The following ABITRAM variants were observed in gnomAD, a reference collection of about 807,000 sequenced individuals.
The protein encoded by ABITRAM is protein Abitram.
In ABITRAM, 19 loss-of-function variants were observed where a neutral mutation model predicts 22.9. The ratio of observed to expected loss-of-function variants is 0.83; its 90% CI spans 0.58 to 1.22. The LOEUF is 1.22. Among genes scored for constraint, ABITRAM ranks in the 50% most tolerant of loss-of-function variants. The probability of loss-of-function intolerance (pLI) is 0.00; values close to 1 mark genes in which losing one functional copy is unlikely to be tolerated. For missense variants in ABITRAM, 215 were observed against 220.2 expected (o/e 0.98, Z 0.15); for synonymous variants, 70 against 73.9 (o/e 0.95, Z 0.27).
At chr9:108,947,305 G>A (rs1830436453) in intron 3 of ABITRAM, among the ~76,000 whole-genome samples, 1 of 152,058 alleles carries the variant, frequency 6.6e-6, no homozygotes, top group Admixed American at 6.6e-5. Flanking sequence ...AGTGGAGACA[G>A]GGTTCCACCG....
chr9:108,939,697 G>A lies in ABITRAM; in HGVS notation c.*11G>A, dbSNP rs747719598. On this transcript the variant is annotated 3_prime_UTR_variant, in exon 6 of 6. Coordinates refer to ENST00000322940, the MANE Select transcript of ABITRAM (RefSeq NM_017832.4). ...ACAGCTACGTCATGAGGATTGACAT[G>A]GAACAAAAAGCAAAGTGGGATTCTT... is the stretch of plus-strand genomic sequence containing the variant. 16 of 1,610,248 alleles carry A rather than the reference G, an allele frequency of 9.9e-6. No individual in the cohort carries two copies. The highest frequency in any genetic ancestry group is 1.7e-5 in the Admixed American group (1 of 59,090).
chr9:108,938,699 G>C (rs1464798990), intron 3 of ABITRAM, among the ~76,000 whole-genome samples: 3 of 143,600 alleles, frequency 2.1e-5, no homozygotes, highest in Non-Finnish European at 4.6e-5. Context: ...AAGGGGGGGG[G>C]GGGAAAGAAC....
intron 3 of ABITRAM, among the ~76,000 whole-genome samples, chr9:108,948,619 CT>C (rs1181448312): frequency 2.6e-5 from 4 of 152,174 alleles, no homozygotes; most frequent in Non-Finnish European, 4.4e-5. Flanking sequence ...GGACATTTCA[CT>C]TCTAATTCTT....
At chr9:108,934,976 C>T (rs1173618248) in intron 1 of ABITRAM, among the ~76,000 whole-genome samples, 1 of 151,854 alleles carries the variant, frequency 6.6e-6, no homozygotes, top group Non-Finnish European at 1.5e-5. Context: ...GTAGGGATGG[C>T]GAGAAGAGGG....
chr9:108,934,541 T>TA lies in ABITRAM; in HGVS notation c.56dup (p.Tyr19Ter). The TA allele has an allele frequency of 6.2e-7, 1 of 1,606,682 alleles. No homozygotes were observed. The highest frequency in any genetic ancestry group is 8.5e-7 in the Non-Finnish European group (1 of 1,177,412). Residue 19 changes from tyrosine (Y) to a stop codon, truncating the protein, a stop_gained and frameshift_variant, in exon 1 of 6, where the codon TAC (tyrosine) becomes TAAC (stop). Transcript: ENST00000322940. LOFTEE classifies it high-confidence loss of function. ...EPVVPSLVDR[Y>*]FTRWYKPDVK... The stretch of plus-strand genomic sequence containing the variant: ...GGTGGTGCCTTCGCTCGTGGATCGA[T>TA]ACTTCACTCGCTGGTACAAACCGGG...
At chr9:108,938,882 C>T (rs1373161013) in intron 3 of ABITRAM, among the ~76,000 whole-genome samples, 1 of 151,940 alleles carries the variant, frequency 6.6e-6, no homozygotes, top group African/African-American at 2.4e-5. Flanking sequence ...ATGGATTTTC[C>T]CACACTTTTG....
In ABITRAM at chr9:108,940,012, A is replaced by C. The variant is rs1445608311; in HGVS notation, c.*326A>C. ...GATTTAGAAAATACAGAAGAGTTTT[A>C]AGTAGCCAAGTAAAAATAATTTACC... On this transcript the variant is annotated 3_prime_UTR_variant, in exon 6 of 6. Transcript: ENST00000322940. 1 of 228,262 alleles carries C rather than the reference A, an allele frequency of 4.4e-6. No individual in the cohort carries two copies. The highest frequency in any genetic ancestry group is 5.2e-5 in the Admixed American group (1 of 19,304). The allele number at this position is 228,262 out of a possible 1,614,324, so 14.1% of individuals were successfully genotyped here.
chr9:108,948,098 C>CA, intron 3 of ABITRAM: 1 of 1,408,428 alleles, frequency 7.1e-7, no homozygotes, highest in Non-Finnish European at 9.9e-7. Flanking sequence ...AGCATATACA[C>CA]ATGATATAAT....
intron 3 of ABITRAM, among the ~76,000 whole-genome samples, chr9:108,937,204 A>G (rs1587934573): frequency 6.6e-6 from 1 of 151,986 alleles, no homozygotes. Flanking sequence ...GAGAAAATAT[A>G]TTTGCTCCTT....
chr9:108,940,868 G>GA lies in ABITRAM; in HGVS notation c.*1183dup, dbSNP rs1344142048. On this transcript the variant is annotated 3_prime_UTR_variant, in exon 6 of 6. Coordinates refer to ENST00000322940, the MANE Select transcript of ABITRAM (RefSeq NM_017832.4). ...ATTTACACTGAATTTCAAATAAAAG[G>GA]ACTATAAAACGTGTTATTTTTCTGT... 6.6e-6 allele frequency: 1 copy of GA among 151,954 alleles called. No homozygotes were observed. The highest frequency in any genetic ancestry group is 1.5e-5 in the Non-Finnish European group (1 of 67,950). The allele number at this position is 151,954 out of a possible 1,614,324, so 9.4% of individuals were successfully genotyped here.
At chr9:108,947,939 A>G (rs1830451978) in intron 3 of ABITRAM, among the ~76,000 whole-genome samples, 1 of 152,226 alleles carries the variant, frequency 6.6e-6, no homozygotes, top group Admixed American at 6.5e-5. Flanking sequence ...GCATCTATTG[A>G]CTACCAACAA....
At chr9:108,949,957 G>A (rs1830511298) in intron 3 of ABITRAM, among the ~76,000 whole-genome samples, 1 of 150,664 alleles carries the variant, frequency 6.6e-6, no homozygotes, top group African/African-American at 2.4e-5. Context: ...TCAGGAGGCG[G>A]AGGTTGCAGT....
In ABITRAM at chr9:108,950,405, G is replaced by A. The variant is rs1587943922; in HGVS notation, c.262-102G>A. 6 of 1,240,802 alleles carry A rather than the reference G, an allele frequency of 4.8e-6. No individual in the cohort carries two copies. In the East Asian group the frequency reaches 1.5e-4, roughly 32 times the overall value. 76.9% of individuals were successfully genotyped at this position (1,240,802 alleles called of 1,614,324 possible). Reference sequence around the variant, plus strand: ...AGAACAATGGAAGGAAACCACCAAAGGAATGGTCTCCAATGATGGAAAATA... The same window carrying A: ...AGAACAATGGAAGGAAACCACCAAAAGAATGGTCTCCAATGATGGAAAATA... On this transcript the variant is annotated intron_variant, in intron 3 of 3. Transcript: ENST00000374624.
chr9:108,934,917 C>G (rs1471425583), intron 1 of ABITRAM, among the ~76,000 whole-genome samples: 2 of 151,856 alleles, frequency 1.3e-5, no homozygotes, highest in Non-Finnish European at 2.9e-5. Context: ...CAGGGAGTAG[C>G]GATACATAAA....
At chr9:108,944,918 C>A (rs1045232339), downstream of ABITRAM, among the ~76,000 whole-genome samples, 2 of 152,168 alleles carry the variant, frequency 1.3e-5, no homozygotes, top group African/African-American at 4.8e-5. Context: ...TGCAACCTTC[C>A]CTTTAAAAGG....
rs1378604137 is a variant in ABITRAM at position 108,940,063 on chromosome 9, T to TA, written c.*378dup. ...CATCATCCCATAATCCAGAAGTAAA[T>TA]ACATTTGACCCTTGAGCAACATAGG... is the stretch of plus-strand genomic sequence containing the variant. On this transcript the variant is annotated 3_prime_UTR_variant, in exon 6 of 6. Coordinates refer to ENST00000322940, the MANE Select transcript of ABITRAM (RefSeq NM_017832.4). 5 of 177,888 alleles carry TA rather than the reference T, an allele frequency of 2.8e-5. No homozygotes were observed. Among genetic ancestry groups the TA allele is most frequent in the Middle Eastern group, 2.6e-3 (1 of 382 alleles). The allele number at this position is 177,888 out of a possible 1,614,324, so 11.0% of individuals were successfully genotyped here.
At chr9:108,948,046 T>C in intron 3 of ABITRAM, 1 of 988,174 alleles carries the variant, frequency 1.0e-6, no homozygotes, top group South Asian at 1.6e-5. Flanking sequence ...ACCTTTCTAC[T>C]TTTCTACTGC....
downstream of ABITRAM, chr9:108,943,879 C>T: frequency 1.3e-6 from 2 of 1,598,590 alleles, no homozygotes; most frequent in South Asian, 1.1e-5. Flanking sequence ...ATACCTTAAA[C>T]ACATTTATAC....
chr9:108,943,952 C>A, downstream of ABITRAM: 2 of 1,612,696 alleles, frequency 1.2e-6, no homozygotes, highest in Admixed American at 1.7e-5. Flanking sequence ...GGTAGGTAGA[C>A]ATGTGTTACC....
Sources: allele counts gnomAD v4.1 joint callset (sites outside exome capture counted in the v4.1 genomes callset), GRCh38; gene constraint gnomAD v4.1.1; transcripts MANE v1.5; gene names NCBI Gene and HGNC (gene_info 2026-07-23, HGNC 2026-07-21).